Variants in FUT8 observed in about 807,000 individuals in gnomAD.
FUT8 encodes the protein fucosyltransferase 8, also known as alpha-(1,6)-fucosyltransferase.
A neutral mutation model predicts 71.3 loss-of-function variants in FUT8; 29 were observed. The observed-to-expected ratio is 0.41, with a 90% CI of 0.30 to 0.55. The LOEUF (loss-of-function observed/expected upper bound fraction) is 0.55. FUT8 is among the 20% of genes least tolerant of loss of function. The pLI is 0.34. For synonymous variants in FUT8, 254 were observed against 239.3 expected (o/e 1.06, Z -0.57); for missense variants, 544 against 702.1 (o/e 0.77, Z 2.55).
chr14:65,611,282 CACACACACACACACACA>C lies in FUT8; in HGVS notation c.204-4695_204-4679del, dbSNP rs1566851491. 4.5e-4 allele frequency among the ~76,000 whole-genome samples: 18 copies of C among 39,956 alleles called. 1 individual carries two copies. The highest frequency in any genetic ancestry group is 6.2e-4 in the African/African-American group (6 of 9,722). 26.2% of individuals were successfully genotyped at this position (39,956 alleles called of 152,430 possible). On this transcript the variant is annotated intron_variant, in intron 3 of 10. Coordinates refer to ENST00000673929, the MANE Select transcript of FUT8 (RefSeq NM_001371533.1). Reference sequence around the variant, plus strand: ...ACACACACACACACACACACACACACACACACACACACACACACACCCCCCAAGTAATAGCCTTGATT... The same window carrying C: ...ACACACACACACACACACACACACACCACCCCCCAAGTAATAGCCTTGATT...
chr14:65,600,521 C>G (rs1888237881), intron 3 of FUT8, among the ~76,000 whole-genome samples: 1 of 152,128 alleles, frequency 6.6e-6, no homozygotes, highest in African/African-American at 2.4e-5. Flanking sequence ...AAACAACTTA[C>G]ATTTAAATAT....
chr14:65,687,019 T>C (rs1374959393), intron 7 of FUT8, among the ~76,000 whole-genome samples: 2 of 152,160 alleles, frequency 1.3e-5, no homozygotes, highest in Non-Finnish European at 2.9e-5. Context: ...AATGGACTCT[T>C]TGTGTTTCTA....
At chr14:65,544,408 T>C (rs932769357) in intron 2 of FUT8, among the ~76,000 whole-genome samples, 1 of 152,186 alleles carries the variant, frequency 6.6e-6, no homozygotes, top group Non-Finnish European at 1.5e-5. Context: ...CTTTCTAATA[T>C]TAACACATCA....
rs1566732092 is a variant in FUT8, at chr14:65,413,696, G to C, written c.-326+482G>C. Among the ~76,000 whole-genome samples the C allele has an allele frequency of 6.6e-6, 1 of 152,232 alleles. No homozygotes were observed. The highest frequency in any genetic ancestry group is 2.4e-5 in the African/African-American group (1 of 41,452). On this transcript the variant is annotated intron_variant, in intron 1 of 10. Coordinates refer to ENST00000673929, the MANE Select transcript of FUT8 (RefSeq NM_001371533.1). The surrounding 1 kb of genome is among the most constrained non-coding windows in gnomAD (Gnocchi z 4.1). ...TGCTGCTCGGGCTAGAAAGCAGGGA[G>C]TGGACCCTCACAAAGATCCGCGAGG...
chr14:65,502,790 C>G (rs965308432), intron 2 of FUT8, among the ~76,000 whole-genome samples: 1 of 152,190 alleles, frequency 6.6e-6, no homozygotes, highest in Non-Finnish European at 1.5e-5. Context: ...AATTCCCCCT[C>G]CTGCAGAGCT....
At chr14:65,380,932 G>T in the FUT8 span, among the ~76,000 whole-genome samples, 1 of 152,214 alleles carries the variant, frequency 6.6e-6, no homozygotes, top group Admixed American at 6.5e-5. Context: ...ACATGGCAAA[G>T]ATAATAATAG....
intron 2 of FUT8, among the ~76,000 whole-genome samples, chr14:65,557,698 C>A (rs1424410542): frequency 2.0e-5 from 3 of 151,256 alleles, no homozygotes; most frequent in African/African-American, 4.9e-5. Flanking sequence ...AGAATCCTGG[C>A]ACATTTCAGT....
rs1890943111 is a variant in FUT8 at position 65,643,520 on chromosome 14, G to T, written c.597+13914G>T. 6.6e-6 allele frequency among the ~76,000 whole-genome samples: 1 copy of T among 152,114 alleles called. No individual in the cohort carries two copies. The highest frequency in any genetic ancestry group is 6.5e-5 in the Admixed American group (1 of 15,280). ...ATACAAAAGATTAGCCGGGCGTGGT[G>T]GCGGGCACCTGTAGTCTCAGCTACT... On this transcript the variant is annotated intron_variant, in intron 6 of 10. Coordinates refer to ENST00000673929, the MANE Select transcript of FUT8 (RefSeq NM_001371533.1). The surrounding 1 kb of genome is among the most constrained non-coding windows in gnomAD (Gnocchi z 4.5).
chr14:65,648,853 C>G (rs929261836), intron 6 of FUT8, among the ~76,000 whole-genome samples: 2 of 152,112 alleles, frequency 1.3e-5, no homozygotes, highest in Admixed American at 6.5e-5. Flanking sequence ...TATATTGGAG[C>G]TATTATGGTC....
chr14:65,496,797 T>C (rs1302428551), intron 2 of FUT8, among the ~76,000 whole-genome samples: 1 of 152,184 alleles, frequency 6.6e-6, no homozygotes, highest in Non-Finnish European at 1.5e-5. Context: ...AAAATTCTTC[T>C]ATGGGGTATG....
chr14:65,519,594 C>T (rs952273881), intron 2 of FUT8, among the ~76,000 whole-genome samples: 1 of 152,034 alleles, frequency 6.6e-6, no homozygotes, highest in Non-Finnish European at 1.5e-5. Context: ...AAAAATGTTT[C>T]TGGATAAATT....
intron 8 of FUT8, 126 bp downstream of exon 8, chr14:65,722,147 C>T: frequency 8.2e-7 from 1 of 1,217,594 alleles, no homozygotes; most frequent in Non-Finnish European, 1.1e-6. Flanking sequence ...GACAGAGGTT[C>T]TAGAGCTATC....
rs1358334789 is a variant in FUT8 at position 65,724,171 on chromosome 14, A to G, written c.1107A>G (p.Lys369=). 1 of 1,602,758 alleles carries G rather than the reference A, an allele frequency of 6.2e-7. No homozygotes were observed. The highest frequency in any genetic ancestry group is 8.5e-7 in the Non-Finnish European group (1 of 1,176,620). ...VIGVHVRRTD[K]VGTEAAFHPI... ...GAGTCCATGTCAGACGCACAGACAA[A>G]GTGGGAACAGAAGCTGCCTTCCATC... Residue 369 remains lysine (K), a synonymous_variant, in exon 9 of 11, where the codon AAA becomes AAG. Coordinates refer to ENST00000673929, the MANE Select transcript of FUT8 (RefSeq NM_001371533.1).
chr14:65,390,321 CA>C, the FUT8 span, among the ~76,000 whole-genome samples: 1,815 of 73,418 alleles, frequency 0.025, 16 homozygotes, highest in African/African-American at 0.059. Flanking sequence ...GACTTCGTCT[CA>C]AAAAAAAAAA....
chr14:65,372,233 G>A, the FUT8 span, among the ~76,000 whole-genome samples: 2,132 of 152,196 alleles, frequency 0.014, 25 homozygotes, highest in Admixed American at 0.021. Flanking sequence ...TCCCCACATG[G>A]AGATCCTCAT....
At chr14:65,469,715 C>T (rs2066107198) in intron 2 of FUT8, among the ~76,000 whole-genome samples, 1 of 152,176 alleles carries the variant, frequency 6.6e-6, no homozygotes, top group Admixed American at 6.5e-5. Flanking sequence ...CTCCTCTCTG[C>T]AGGCAGGTCC....
chr14:65,688,592 A>C (rs1893420106), intron 7 of FUT8, among the ~76,000 whole-genome samples: 1 of 151,796 alleles, frequency 6.6e-6, no homozygotes, highest in African/African-American at 2.4e-5. Flanking sequence ...TTTCACAAAA[A>C]TGAACTCAAT....
At chr14:65,432,185 T>C (rs1272199706) in intron 1 of FUT8, among the ~76,000 whole-genome samples, 1 of 152,144 alleles carries the variant, frequency 6.6e-6, no homozygotes, top group Non-Finnish European at 1.5e-5. Flanking sequence ...GTATTTGCCT[T>C]ACATGTTTTT....
At chr14:65,575,622 C>T (rs1379736046) in intron 3 of FUT8, among the ~76,000 whole-genome samples, 2 of 141,502 alleles carry the variant, frequency 1.4e-5, no homozygotes, top group African/African-American at 5.3e-5. Flanking sequence ...TTCCTTCCTT[C>T]CTCTTTTTTT....
Sources: gnomAD v4.1 joint callset for allele counts (sites outside exome capture counted in the v4.1 genomes callset) on GRCh38, gnomAD v4.1.1 for gene constraint, Gnocchi (gnomAD v3.1) non-coding constraint, MANE v1.5 for transcripts, NCBI Gene and HGNC (gene_info 2026-07-23, HGNC 2026-07-21) for gene names.